The following SMARCAD1 variants were observed in gnomAD, a reference collection of about 807,000 sequenced individuals.
SMARCAD1 encodes SWI/SNF-related matrix-associated actin-dependent regulator of chromatin subfamily A containing DEAD/H box 1.
Under a neutral mutation model 127.1 loss-of-function variants are expected in SMARCAD1, and 25 were observed. That is an observed-to-expected ratio of 0.20 (90% CI 0.14 to 0.27). SMARCAD1 has a LOEUF of 0.27. Among genes scored for constraint, SMARCAD1 ranks in the 10% least tolerant of loss-of-function variants. SMARCAD1 has a pLI of 1.00. For missense variants in SMARCAD1, 807 were observed against 1,206.0 expected, an observed-to-expected ratio of 0.67 and a Z score of 4.90; for synonymous variants, 400 against 396.9, an observed-to-expected ratio of 1.01 and a Z score of -0.09.
chr4:94,208,065 G>T lies in SMARCAD1; in HGVS notation c.-55G>T. The stretch of plus-strand genomic sequence containing the variant: ...TATACTGGGGAACGTGCCTGCGCGT[G>T]CTTGGGTAAGAGGAGGTTGCATGAG... On this transcript the variant is annotated 5_prime_UTR_variant, in exon 1 of 24. Coordinates refer to ENST00000354268, the MANE Select transcript of SMARCAD1 (RefSeq NM_020159.5). 1 of 493,964 alleles carries T rather than the reference G, an allele frequency of 2.0e-6. No homozygotes were observed. Among genetic ancestry groups the T allele is most frequent in the Non-Finnish European group, 3.9e-6 (1 of 253,650 alleles). 30.6% of individuals were successfully genotyped at this position (493,964 alleles called of 1,614,324 possible). A position where few individuals can be genotyped will look rare whatever the true frequency, so the allele number is the denominator to read the frequency against.
At chr4:94,230,693 CT>C (rs376036485) in intron 3 of SMARCAD1, among the ~76,000 whole-genome samples, 241 of 152,164 alleles carry the variant, frequency 1.6e-3, no homozygotes, top group African/African-American at 5.5e-3. Flanking sequence ...AAACTACCCC[CT>C]ACCCCAACTT....
At chr4:94,213,442 G>A (rs1742615532) in intron 2 of SMARCAD1, among the ~76,000 whole-genome samples, 1 of 152,170 alleles carries the variant, frequency 6.6e-6, no homozygotes, top group African/African-American at 2.4e-5. Context: ...GGAGGTTTTA[G>A]ACAATATAGA....
intron 6 of SMARCAD1, among the ~76,000 whole-genome samples, chr4:94,246,309 CG>C (rs964159218): frequency 2.0e-5 from 3 of 151,866 alleles, no homozygotes; most frequent in Non-Finnish European, 4.4e-5. Context: ...TTAGTAGAAA[CG>C]GTGTTTCACT....
At chr4:94,252,567 ATATTTATGTATT>A in intron 8 of SMARCAD1, 37 bp from the exon 9 acceptor site, 1 of 1,269,148 alleles carries the variant, frequency 7.9e-7, no homozygotes, top group Non-Finnish European at 1.1e-6. Context: ...GTCTATCTTT[ATATTTATGTATT>A]TCTAATTTAG....
chr4:94,275,800 T>TATTTTATTTTATTTTATTTTA (rs1309423240), intron 14 of SMARCAD1, among the ~76,000 whole-genome samples: 1 of 141,172 alleles, frequency 7.1e-6, no homozygotes. Flanking sequence ...CATTTTCTTT[T>TATTTTATTTTATTTTATTTTA]TTTTTTTTTT....
intron 2 of SMARCAD1, among the ~76,000 whole-genome samples, chr4:94,216,513 C>A (rs1329743942): frequency 6.6e-6 from 1 of 152,116 alleles, no homozygotes; most frequent in African/African-American, 2.4e-5. Flanking sequence ...GTGTACAGTT[C>A]AGTACATTCA....
intron 21 of SMARCAD1, among the ~76,000 whole-genome samples, chr4:94,282,442 T>G (rs532472813): frequency 1.4e-3 from 216 of 152,132 alleles, no homozygotes; most frequent in Middle Eastern, 6.8e-3. Context: ...TTTATGGTTT[T>G]CACCTTTAAA....
Position 94,277,169 on chromosome 4 carries a change from A to T in SMARCAD1, c.2082+10A>T, listed in dbSNP as rs1346624888. ...GTTTTCCTCTAAGACAGTAAGCATA[A>T]ATGCATATTTTCTCCCAAATATGTT... On this transcript the variant is annotated intron_variant, in intron 16 of 23. Coordinates refer to ENST00000354268, the MANE Select transcript of SMARCAD1 (RefSeq NM_020159.5). The T allele has an allele frequency of 6.2e-7, 1 of 1,613,766 alleles. No homozygotes were observed. Among genetic ancestry groups the T allele is most frequent in the Admixed American group, 1.7e-5 (1 of 60,028 alleles).
At chr4:94,241,099 T>G (rs1747510116) in intron 6 of SMARCAD1, 93 bp downstream of exon 6, 1 of 812,850 alleles carries the variant, frequency 1.2e-6, no homozygotes, top group Non-Finnish European at 2.1e-6. Context: ...AAAATCCACC[T>G]AAATGAATTC....
At chr4:94,289,451 A>C in intron 23 of SMARCAD1, 22 bp from the exon 24 acceptor site, 2 of 1,600,242 alleles carry the variant, frequency 1.2e-6, no homozygotes, top group Non-Finnish European at 1.7e-6. Flanking sequence ...TAAAGCTTTT[A>C]ATGCTACTTT....
At chr4:94,255,820 T>C (rs1749994235) in intron 9 of SMARCAD1, among the ~76,000 whole-genome samples, 1 of 152,034 alleles carries the variant, frequency 6.6e-6, no homozygotes, top group South Asian at 2.1e-4. Context: ...AATTTAAATA[T>C]TGTTTTTAAA....
Position 94,226,155 on chromosome 4 carries a change from G to T in SMARCAD1, c.227G>T (p.Arg76Ile). ...SSVPETPDNERKASISYFKNQ... is the reference protein window; with the variant it reads ...SSVPETPDNEIKASISYFKNQ... ...GTTCCAGAAACTCCAGATAATGAAAGAAAAGCAAGTATATCATATTTCAAA... is the reference window on the plus strand; with the variant it reads ...GTTCCAGAAACTCCAGATAATGAAATAAAAGCAAGTATATCATATTTCAAA... The change falls in exon 3 of 24, where the codon AGA (arginine) becomes ATA (isoleucine). Residue 76 changes from arginine to isoleucine, a missense_variant. Physicochemically the swap from Arg to Ile is moderately conservative, Grantham distance 97. This residue lies in a region of SMARCAD1 where 175 missense variants were observed against 169.5 expected (regional missense o/e 1.03). Transcript: ENST00000354268. 1 of 1,611,446 alleles carries T rather than the reference G, an allele frequency of 6.2e-7. No homozygotes were observed. The highest frequency in any genetic ancestry group is 1.1e-5 in the South Asian group (1 of 90,810).
chr4:94,254,053 G>C (rs1749689723), intron 9 of SMARCAD1, among the ~76,000 whole-genome samples: 1 of 152,080 alleles, frequency 6.6e-6, no homozygotes, highest in African/African-American at 2.4e-5. Context: ...AGTGGCAATA[G>C]GGGAGAGTCC....
chr4:94,271,480 T>C (rs1223707721), intron 11 of SMARCAD1, among the ~76,000 whole-genome samples: 2 of 152,190 alleles, frequency 1.3e-5, no homozygotes, highest in Admixed American at 1.3e-4. Context: ...AAATGAGTCA[T>C]GTTCAGCAAA....
chr4:94,281,698 ATTACT>A, intron 21 of SMARCAD1, 108 bp downstream of exon 21: 1 of 767,454 alleles, frequency 1.3e-6, no homozygotes, highest in South Asian at 1.5e-5. Flanking sequence ...TTTATGTTTG[ATTACT>A]TCAAATCATT....
chr4:94,285,424 A>G (rs949283897), intron 23 of SMARCAD1, among the ~76,000 whole-genome samples: 21 of 152,202 alleles, frequency 1.4e-4, no homozygotes, highest in Non-Finnish European at 2.6e-4. Context: ...ATGTGTATAA[A>G]AATAAACACG....
rs777387325 is a variant in SMARCAD1, at chr4:94,290,476, T to C, written c.*942T>C. 4.4e-5 allele frequency: 20 copies of C among 454,528 alleles called. No individual in the cohort carries two copies. Among genetic ancestry groups the C allele is most frequent in the South Asian group, 3.1e-4 (20 of 64,478 alleles). The allele number at this position is 454,528 out of a possible 1,614,324, so 28.2% of individuals were successfully genotyped here. ...CTATTTCATTTCAAAGCAGACTGAATGTGACTTCATCTAAAGGCAGCATTA... is the reference window on the plus strand; with the variant it reads ...CTATTTCATTTCAAAGCAGACTGAACGTGACTTCATCTAAAGGCAGCATTA... On this transcript the variant is annotated 3_prime_UTR_variant, in exon 24 of 24. Coordinates refer to ENST00000354268, the MANE Select transcript of SMARCAD1 (RefSeq NM_020159.5).
intron 11 of SMARCAD1, among the ~76,000 whole-genome samples, chr4:94,272,015 A>G (rs760389919): frequency 3.0e-4 from 46 of 152,284 alleles, no homozygotes; most frequent in Admixed American, 1.2e-3. Context: ...TGTTCTTCAC[A>G]ATTCTGGAGG....
rs1553920714 is a variant in SMARCAD1 at position 94,275,796 on chromosome 4, C to CTTTTATTTTATTTTATTTA, written c.1809-539_1809-538insATTTTATTTTATTTATTTT. Reference sequence around the variant, plus strand: ...TGTCCGATTGTAACATTAACATTTTCTTTTTTTTTTTTTTTTTTGAGACGG... The same window carrying CTTTTATTTTATTTTATTTA: ...TGTCCGATTGTAACATTAACATTTTCTTTTATTTTATTTTATTTATTTTTTTTTTTTTTTTTTGAGACGG... On this transcript the variant is annotated intron_variant, in intron 14 of 23. Coordinates refer to ENST00000354268, the MANE Select transcript of SMARCAD1 (RefSeq NM_020159.5). Among the ~76,000 whole-genome samples the CTTTTATTTTATTTTATTTA allele has an allele frequency of 2.2e-3, 192 of 85,402 alleles. 4 individuals are homozygous for CTTTTATTTTATTTTATTTA. The South Asian group carries it at 0.045, about 20-fold the overall frequency. 56.0% of individuals were successfully genotyped at this position (85,402 alleles called of 152,430 possible). A position where few individuals can be genotyped will look rare whatever the true frequency, so the allele number is the denominator to read the frequency against.
Sources: allele counts gnomAD v4.1 joint callset (sites outside exome capture counted in the v4.1 genomes callset), GRCh38; gene constraint gnomAD v4.1.1; regional missense constraint gnomAD v4.1.1; transcripts MANE v1.5; gene names NCBI Gene and HGNC (gene_info 2026-07-23, HGNC 2026-07-21).